The following MAPK7 variants were observed in gnomAD, a reference collection of about 807,000 sequenced individuals.
MAPK7 encodes the protein BMK-1.
In MAPK7, 30 loss-of-function variants were observed where a neutral mutation model predicts 56.9. The observed-to-expected ratio is 0.53, with a 90% CI of 0.39 to 0.72. MAPK7 has a LOEUF of 0.72. Among genes scored for constraint, MAPK7 ranks in the 30% least tolerant of loss-of-function variants. MAPK7 has a pLI of 0.00. For missense variants in MAPK7, 952 were observed against 1,110.8 expected, an observed-to-expected ratio of 0.86 and a Z score of 2.03; for synonymous variants, 516 against 449.3, an observed-to-expected ratio of 1.15 and a Z score of -1.88.
chr17:19,378,531 G>A lies in MAPK7; in HGVS notation c.-105G>A. On this transcript the variant is annotated 5_prime_UTR_variant, in exon 1 of 7. Coordinates refer to ENST00000395604, the MANE Select transcript of MAPK7 (RefSeq NM_002749.4). This position sits in a 1 kb window ranked among gnomAD's most constrained non-coding sequence, Gnocchi z 5.4. Reference sequence around the variant, plus strand: ...TCAAGACGCTGAGGTGGTGGCTGCGGCCTTTGAACAAGTAAGTGAGCCACC... The same window carrying A: ...TCAAGACGCTGAGGTGGTGGCTGCGACCTTTGAACAAGTAAGTGAGCCACC... 8.8e-7 allele frequency: 1 copy of A among 1,134,634 alleles called. No homozygotes were observed. The highest frequency in any genetic ancestry group is 1.1e-6 in the Non-Finnish European group (1 of 919,624). 70.3% of individuals were successfully genotyped at this position (1,134,634 alleles called of 1,614,324 possible).
chr17:19,378,313 A>ACC (rs1567917034), upstream of MAPK7: 1 of 987,590 alleles, frequency 1.0e-6, no homozygotes, highest in African/African-American at 1.7e-5. The surrounding 1 kb of genome is among the most constrained non-coding windows in gnomAD (Gnocchi z 5.4). Flanking sequence ...AGTGCCGGGC[A>ACC]CCCTTTGGGC....
intron 2 of MAPK7, 60 bp downstream of exon 2, chr17:19,379,192 G>T (rs1598110892): frequency 6.8e-7 from 1 of 1,473,208 alleles, no homozygotes; most frequent in Non-Finnish European, 9.3e-7. Context: ...TGGGAAACCG[G>T]CCTGTCCCAG....
chr17:19,383,387 C>G lies in MAPK7; in HGVS notation c.*156C>G. 1.4e-6 allele frequency: 1 copy of G among 700,678 alleles called. No homozygotes were observed. Among genetic ancestry groups the G allele is most frequent in the East Asian group, 2.9e-5 (1 of 34,928 alleles). The allele number at this position is 700,678 out of a possible 1,614,324, so 43.4% of individuals were successfully genotyped here. On this transcript the variant is annotated 3_prime_UTR_variant, in exon 7 of 7. Transcript: ENST00000395604. ...CCACCTTTCAGCCTTAAGCAGCCAC[C>G]TGAGCCACCACCGAGCCATGGCAGG...
chr17:19,380,666 C>A lies in MAPK7; in HGVS notation c.457C>A (p.Pro153Thr). The A allele has an allele frequency of 1.2e-6, 2 of 1,613,496 alleles. No homozygotes were observed. Residue 153 changes from proline to threonine, a missense_variant, in exon 4 of 7, where the codon CCC (proline) becomes ACC (threonine). Coordinates refer to ENST00000395604, the MANE Select transcript of MAPK7 (RefSeq NM_002749.4). Reference protein sequence around the residue: ...DLHQIIHSSQPLTLEHVRYFL... With the variant: ...DLHQIIHSSQTLTLEHVRYFL... ...GCACCAGATCATCCACTCCTCACAGCCCCTCACACTGGAACACGTGCGCTA... is the reference window on the plus strand; with the variant it reads ...GCACCAGATCATCCACTCCTCACAGACCCTCACACTGGAACACGTGCGCTA...
At position 19,380,684 on chromosome 17, in the gene MAPK7, G is replaced by T. The variant is rs755374629; in HGVS notation, c.475G>T (p.Val159Leu). 7 of 1,614,072 alleles carry T rather than the reference G, an allele frequency of 4.3e-6. No homozygotes were observed. The East Asian group carries it at 1.6e-4, about 36-fold the overall frequency. The change falls in exon 4 of 7, where the codon GTG becomes TTG. Residue 159 changes from valine (V) to leucine (L), a missense_variant. By Grantham distance (32) the Val-to-Leu change is conservative (BLOSUM62 1). Around this residue, in one of 5 missense-constraint regions of MAPK7, gnomAD observed 213 missense variants for 243.2 expected, o/e 0.88. Transcript: ENST00000395604. ...HSSQPLTLEH[V>L]RYFLYQLLRG... Reference sequence around the variant, plus strand: ...CTCACAGCCCCTCACACTGGAACACGTGCGCTACTTCCTGTACCAACTGCT... The same window carrying T: ...CTCACAGCCCCTCACACTGGAACACTTGCGCTACTTCCTGTACCAACTGCT...
upstream of MAPK7, chr17:19,378,191 C>T: frequency 2.0e-6 from 2 of 984,512 alleles, no homozygotes; most frequent in Non-Finnish European, 2.4e-6. The surrounding 1 kb of genome is among the most constrained non-coding windows in gnomAD (Gnocchi z 5.4). Flanking sequence ...TTGAGAGCTT[C>T]ATGGGGACGC....
chr17:19,382,881 C>G lies in MAPK7; in HGVS notation c.2232C>G (p.Gly744=), dbSNP rs1460143345. Residue 744 remains glycine (G), a synonymous_variant, in exon 6 of 7, where the codon GGC becomes GGG. Coordinates refer to ENST00000395604, the MANE Select transcript of MAPK7 (RefSeq NM_002749.4). ...GCAGTGGGGCTGGCTACGGTGTTGGCTTTGACCTGGAGGAATTCTTAAACC... is the reference window on the plus strand; with the variant it reads ...GCAGTGGGGCTGGCTACGGTGTTGGGTTTGACCTGGAGGAATTCTTAAACC... ...PKGSGAGYGV[G]FDLEEFLNQS... 16 of 1,614,118 alleles carry G rather than the reference C, an allele frequency of 9.9e-6. No homozygotes were observed. Among genetic ancestry groups the G allele is most frequent in the Non-Finnish European group, 1.4e-5 (16 of 1,180,042 alleles).
In MAPK7 at chr17:19,379,031, C is replaced by T; in HGVS notation, c.131C>T (p.Ser44Phe). The T allele has an allele frequency of 6.2e-7, 1 of 1,614,110 alleles. No individual in the cohort carries two copies. The highest frequency in any genetic ancestry group is 8.5e-7 in the Non-Finnish European group (1 of 1,180,010). The change falls in exon 2 of 7, where the codon TCC (serine) becomes TTC (phenylalanine). Residue 44 changes from serine to phenylalanine, a missense_variant. Physicochemically the swap from Ser to Phe is radical, Grantham distance 155. Coordinates refer to ENST00000395604, the MANE Select transcript of MAPK7 (RefSeq NM_002749.4). ...AKNLALLKARSFDVTFDVGDE... is the reference protein window; with the variant it reads ...AKNLALLKARFFDVTFDVGDE... ...AACCTGGCCCTGCTTAAAGCCCGCT[C>T]CTTCGATGTGACCTTTGACGTGGGC...
intron 6 of MAPK7, 57 bp downstream of exon 6, chr17:19,383,003 A>C: frequency 7.4e-6 from 12 of 1,612,848 alleles, no homozygotes; most frequent in Non-Finnish European, 9.3e-6. Flanking sequence ...TTCCTGGTGC[A>C]GGAGACATGC....
chr17:19,383,221 A>G lies in MAPK7; in HGVS notation c.2441A>G (p.Gln814Arg). ...PMLLADLPDL[Q>R]DP ...CTGCTGGCTGACCTGCCTGACCTCC[A>G]GGACCCCTGAGGCCCCCAGCCTGTG... is the stretch of plus-strand genomic sequence containing the variant. Residue 814 changes from glutamine to arginine, a missense_variant, in exon 7 of 7, where the codon CAG becomes CGG. Coordinates refer to ENST00000395604, the MANE Select transcript of MAPK7 (RefSeq NM_002749.4). 1 of 1,613,912 alleles carries G rather than the reference A, an allele frequency of 6.2e-7. No individual in the cohort carries two copies. The highest frequency in any genetic ancestry group is 8.5e-7 in the Non-Finnish European group (1 of 1,179,924).
intron 2 of MAPK7, chr17:19,379,384 G>C (rs1912432965): frequency 1.7e-6 from 1 of 581,522 alleles, no homozygotes; most frequent in East Asian, 2.9e-5. Context: ...CCAGAATGGA[G>C]AGCCAGTCCT....
chr17:19,377,777 GTTGGGCGGCCGCCTCGGTT>G, upstream of MAPK7: 1 of 961,222 alleles, frequency 1.0e-6, no homozygotes, highest in Non-Finnish European at 1.2e-6. Flanking sequence ...AGGAGCAGAG[GTTGGGCGGCCGCCTCGGTT>G]AACTCCGCTG....
Position 19,381,576 on chromosome 17 carries a change from C to T in MAPK7, c.1367C>T (p.Pro456Leu). The change falls in exon 4 of 7, where the codon CCT becomes CTT. Residue 456 changes from proline to leucine, a missense_variant. This residue lies in a region of MAPK7 where 429 missense variants were observed against 533.0 expected (regional missense o/e 0.80). Transcript: ENST00000395604. The surrounding 1 kb of genome is among the most constrained non-coding windows in gnomAD (Gnocchi z 4.6). Reference sequence around the variant, plus strand: ...ACCATTGATCTGACCCTGCAGCCACCTCCACCAGTCAGTGAGCCTGCCCCA... The same window carrying T: ...ACCATTGATCTGACCCTGCAGCCACTTCCACCAGTCAGTGAGCCTGCCCCA... ...PDTIDLTLQP[P>L]PPVSEPAPPK... The T allele has an allele frequency of 6.2e-7, 1 of 1,613,922 alleles. No homozygotes were observed. Among genetic ancestry groups the T allele is most frequent in the Non-Finnish European group, 8.5e-7 (1 of 1,180,028 alleles).
Position 19,381,882 on chromosome 17 carries a change from C to G in MAPK7, c.1579C>G (p.Arg527Gly). The G allele has an allele frequency of 6.4e-7, 1 of 1,571,916 alleles. No individual in the cohort carries two copies. Reference sequence around the variant, plus strand: ...GGAGAAGCGGCGGAGGCGGCAAGAACGAGCCAAGGAGCGGGAGAAACGGCG... The same window carrying G: ...GGAGAAGCGGCGGAGGCGGCAAGAAGGAGCCAAGGAGCGGGAGAAACGGCG... ...REEKRRRRQERAKEREKRRQE... is the reference protein window; with the variant it reads ...REEKRRRRQEGAKEREKRRQE... Residue 527 changes from arginine to glycine, a missense_variant, in exon 5 of 7, where the codon CGA becomes GGA. This residue lies in a region of MAPK7 where 429 missense variants were observed against 533.0 expected (regional missense o/e 0.80). Coordinates refer to ENST00000395604, the MANE Select transcript of MAPK7 (RefSeq NM_002749.4). The surrounding 1 kb of genome is among the most constrained non-coding windows in gnomAD (Gnocchi z 4.6).
Position 19,379,963 on chromosome 17 carries a change from G to C in MAPK7, c.398+16G>C. The C allele has an allele frequency of 6.2e-7, 1 of 1,608,290 alleles. No homozygotes were observed. The highest frequency in any genetic ancestry group is 8.5e-7 in the Non-Finnish European group (1 of 1,175,838). The stretch of plus-strand genomic sequence containing the variant: ...TCAAATCTGTGTAAGAAGCGGGATG[G>C]GAGAGGGAGCCAGACTTGGGACTTT... On this transcript the variant is annotated intron_variant, in intron 3 of 6. Transcript: ENST00000395604.
At position 19,379,081 on chromosome 17, in the gene MAPK7, A is replaced by G. The variant is rs371411625; in HGVS notation, c.181A>G (p.Ile61Val). Residue 61 changes from isoleucine to valine, a missense_variant, in exon 2 of 7, where the codon ATA (isoleucine) becomes GTA (valine). Transcript: ENST00000395604. ...CGACGAGTACGAGATCATCGAGACCATAGGCAACGGGGCCTATGGAGTGGT... is the reference window on the plus strand; with the variant it reads ...CGACGAGTACGAGATCATCGAGACCGTAGGCAACGGGGCCTATGGAGTGGT... ...VGDEYEIIET[I>V]GNGAYGVVSS... The G allele has an allele frequency of 3.1e-6, 5 of 1,613,956 alleles. No homozygotes were observed. Among genetic ancestry groups the G allele is most frequent in the Non-Finnish European group, 3.4e-6 (4 of 1,180,002 alleles).
Position 19,381,590 on chromosome 17 carries a change from G to C in MAPK7, c.1381G>C (p.Glu461Gln). 6.2e-7 allele frequency: 1 copy of C among 1,613,932 alleles called. No homozygotes were observed. Among genetic ancestry groups the C allele is most frequent in the Non-Finnish European group, 8.5e-7 (1 of 1,179,998 alleles). ...CCTGCAGCCACCTCCACCAGTCAGTGAGCCTGCCCCACCAAAGAAAGATGG... is the reference window on the plus strand; with the variant it reads ...CCTGCAGCCACCTCCACCAGTCAGTCAGCCTGCCCCACCAAAGAAAGATGG... ...LTLQPPPPVS[E>Q]PAPPKKDGAI... The change falls in exon 4 of 7, where the codon GAG becomes CAG. Residue 461 changes from glutamate to glutamine, a missense_variant. Physicochemically the swap from Glu to Gln is conservative, Grantham distance 29. Coordinates refer to ENST00000395604, the MANE Select transcript of MAPK7 (RefSeq NM_002749.4). This position sits in a 1 kb window ranked among gnomAD's most constrained non-coding sequence, Gnocchi z 4.6.
chr17:19,380,313 C>A, intron 3 of MAPK7: 1 of 561,532 alleles, frequency 1.8e-6, no homozygotes, highest in Non-Finnish European at 2.9e-6. Context: ...CACTACCAAA[C>A]AATGGAGATA....
chr17:19,378,631 G>GC lies in MAPK7; in HGVS notation c.-6+1_-6+2insC. ...CTGAAAGCCTTGAGGAGGCGCGGGG[G>GC]TGAGTGCGGCCCTGAGGAAACCCAG... On this transcript the variant is annotated splice_donor_variant, in intron 1 of 6. Transcript: ENST00000395604. LOFTEE classifies it low-confidence loss of function (5UTR_SPLICE). The surrounding 1 kb of genome is among the most constrained non-coding windows in gnomAD (Gnocchi z 5.4). 1 of 1,347,234 alleles carries GC rather than the reference G, an allele frequency of 7.4e-7. No homozygotes were observed. 83.5% of individuals were successfully genotyped at this position (1,347,234 alleles called of 1,614,324 possible). A position where few individuals can be genotyped will look rare whatever the true frequency, so the allele number is the denominator to read the frequency against.
Sources: allele counts gnomAD v4.1 joint callset, GRCh38; gene constraint gnomAD v4.1.1; regional missense constraint gnomAD v4.1.1; non-coding constraint Gnocchi (gnomAD v3.1); transcripts MANE v1.5; gene names NCBI Gene and HGNC (gene_info 2026-07-23, HGNC 2026-07-21).